The following BEAN1 variants were observed in gnomAD, a reference collection of about 807,000 sequenced individuals.
The protein encoded by BEAN1 is brain expressed associated with NEDD4 1, also known as protein BEAN1.
A neutral mutation model predicts 17.7 loss-of-function variants in BEAN1; 17 were observed. The observed-to-expected ratio is 0.96, with a 90% CI of 0.66 to 1.44. BEAN1 has a LOEUF of 1.44. Ranked by LOEUF, BEAN1 falls within the 40% of genes most tolerant of loss-of-function variation. BEAN1 has a pLI of 0.00. For synonymous variants in BEAN1, 142 were observed against 151.8 expected (o/e 0.94, Z 0.47); for missense variants, 359 against 374.1 (o/e 0.96, Z 0.33).
At chr16:66,435,631 G>A (rs2142375018) in intron 1 of BEAN1, among the ~76,000 whole-genome samples, 1 of 152,206 alleles carries the variant, frequency 6.6e-6, no homozygotes, top group Admixed American at 6.5e-5. Context: ...GGGATCACAG[G>A]CACATGCCAC....
chr16:66,470,170 C>CGATAGATG (rs1555520550), intron 3 of BEAN1: 2 of 344,694 alleles, frequency 5.8e-6, no homozygotes, highest in African/African-American at 4.6e-5. Context: ...TCTGGTGTCT[C>CGATAGATG]GATGGATGGA....
At chr16:66,487,127 G>A (rs1006527979), downstream of BEAN1, among the ~76,000 whole-genome samples, 3 of 152,308 alleles carry the variant, frequency 2.0e-5, no homozygotes, top group East Asian at 5.8e-4. Flanking sequence ...TGTGACTTGT[G>A]GACTTACAAG....
chr16:66,445,052 C>T (rs1019019244), intron 2 of BEAN1, among the ~76,000 whole-genome samples: 1 of 152,178 alleles, frequency 6.6e-6, no homozygotes, highest in Non-Finnish European at 1.5e-5. Flanking sequence ...TTCTGGGTGC[C>T]AGGGTTACAG....
Position 66,481,274 on chromosome 16 carries a change from T to C in BEAN1, c.*349T>C. The C allele has an allele frequency of 2.5e-6, 1 of 399,430 alleles. No homozygotes were observed. The highest frequency in any genetic ancestry group is 4.4e-5 in the Admixed American group (1 of 22,786). The allele number at this position is 399,430 out of a possible 1,614,324, so 24.7% of individuals were successfully genotyped here. ...TCGGAGAGAGAGGCGAAGTAGGAAG[T>C]GGGATTTTCTCTTCCCTCTCCTGGG... On this transcript the variant is annotated 3_prime_UTR_variant, in exon 5 of 5. Transcript: ENST00000536005. The surrounding 1 kb of genome is among the most constrained non-coding windows in gnomAD (Gnocchi z 4.1).
In BEAN1 at chr16:66,430,565, C is replaced by G. The variant is rs182822149; in HGVS notation, c.-83+3134C>G. On this transcript the variant is annotated intron_variant, in intron 1 of 4. Transcript: ENST00000536005. The stretch of plus-strand genomic sequence containing the variant: ...ATGTACATCTTCAATCATTTTATGT[C>G]TGAGAACTGAAAAAGAATATGTTAA... Among the ~76,000 whole-genome samples the G allele has an allele frequency of 1.2e-4, 19 of 152,280 alleles. No homozygotes were observed. In the East Asian group the frequency reaches 3.1e-3, roughly 25 times the overall value.
intron 3 of BEAN1, chr16:66,476,387 A>T (rs1056467144): frequency 6.6e-6 from 1 of 152,214 alleles, no homozygotes; most frequent in East Asian, 1.9e-4. Flanking sequence ...TTACAACTCC[A>T]TGCTTCACCA....
At chr16:66,470,097 GA>G in intron 3 of BEAN1, 1 of 632,212 alleles carries the variant, frequency 1.6e-6, no homozygotes, top group Non-Finnish European at 2.7e-6. Flanking sequence ...CTGAAGGTCA[GA>G]GGGAGAGTGT....
intron 2 of BEAN1, among the ~76,000 whole-genome samples, chr16:66,443,400 G>A (rs535538300): frequency 6.6e-6 from 1 of 152,330 alleles, no homozygotes; most frequent in South Asian, 2.1e-4. Flanking sequence ...TAGTCTAGAT[G>A]GCACAGCTAG....
intron 2 of BEAN1, among the ~76,000 whole-genome samples, chr16:66,461,571 CACACA>C: frequency 1.3e-5 from 1 of 76,906 alleles, no homozygotes. Context: ...CAGGCGCAGA[CACACA>C]CACACACACA....
chr16:66,441,687 G>A (rs1195535212), intron 2 of BEAN1, among the ~76,000 whole-genome samples: 1 of 152,172 alleles, frequency 6.6e-6, no homozygotes, highest in Admixed American at 6.5e-5. Flanking sequence ...GTGAGGTCTG[G>A]AGAAAGTGAA....
chr16:66,438,951 C>G (rs1279430254), intron 2 of BEAN1, among the ~76,000 whole-genome samples: 2 of 152,216 alleles, frequency 1.3e-5, no homozygotes, highest in African/African-American at 4.8e-5. Flanking sequence ...CCCCTGCTCA[C>G]TGTGGGTAAT....
chr16:66,485,997 C>G (rs1964083794), downstream of BEAN1: 2 of 152,238 alleles, frequency 1.3e-5, no homozygotes, highest in Non-Finnish European at 2.9e-5. Flanking sequence ...GGAATATGGG[C>G]AGGTATGTCA....
intron 2 of BEAN1, among the ~76,000 whole-genome samples, chr16:66,465,006 C>T (rs1232686757): frequency 6.6e-6 from 1 of 152,202 alleles, no homozygotes; most frequent in Non-Finnish European, 1.5e-5. Flanking sequence ...AGTATTTCAC[C>T]ATGAAGCACC....
intron 2 of BEAN1, among the ~76,000 whole-genome samples, chr16:66,444,597 CTG>C (rs1426660852): frequency 1.3e-5 from 2 of 152,176 alleles, no homozygotes; most frequent in Admixed American, 1.3e-4. Context: ...CTGACTTGAT[CTG>C]TGTCTTTCTC....
intron 3 of BEAN1, among the ~76,000 whole-genome samples, chr16:66,476,110 A>C (rs1275588714): frequency 2.9e-5 from 3 of 102,704 alleles, no homozygotes; most frequent in Non-Finnish European, 5.4e-5. Context: ...ACTCCGTCTC[A>C]AAAAAAAAAA....
chr16:66,436,701 G>A (rs1962038533), intron 1 of BEAN1, among the ~76,000 whole-genome samples: 3 of 151,388 alleles, frequency 2.0e-5, no homozygotes, highest in Non-Finnish European at 2.9e-5. Context: ...ACAGCCTCCC[G>A]AAATACTGGG....
intron 2 of BEAN1, among the ~76,000 whole-genome samples, chr16:66,459,264 C>T (rs2142412581): frequency 6.6e-6 from 1 of 152,312 alleles, no homozygotes; most frequent in South Asian, 2.1e-4. Context: ...TCTCCTAAAA[C>T]ACTCTGACCA....
intron 2 of BEAN1, among the ~76,000 whole-genome samples, chr16:66,440,551 G>A (rs545015150): frequency 1.3e-5 from 2 of 152,264 alleles, no homozygotes; most frequent in South Asian, 2.1e-4. Flanking sequence ...GGTCTCCTTT[G>A]GCAGTGGTGG....
At chr16:66,478,897 A>G (rs1308985082) in intron 4 of BEAN1, 1 of 152,494 alleles carries the variant, frequency 6.6e-6, no homozygotes, top group African/African-American at 2.4e-5. Flanking sequence ...GAGGGCACAG[A>G]TGAGCAAAGG....
Sources: gnomAD v4.1 joint callset for allele counts (sites outside exome capture counted in the v4.1 genomes callset) on GRCh38, gnomAD v4.1.1 for gene constraint, Gnocchi (gnomAD v3.1) non-coding constraint, MANE v1.5 for transcripts, NCBI Gene and HGNC (gene_info 2026-07-23, HGNC 2026-07-21) for gene names.